The following IFT74 variants were observed in gnomAD, a reference collection of about 807,000 sequenced individuals.
The protein encoded by IFT74 is intraflagellar transport 74, also known as intraflagellar transport protein 74 homolog.
In IFT74, 92 loss-of-function variants were observed where a neutral mutation model predicts 96.7. The ratio of observed to expected loss-of-function variants is 0.95; its 90% CI spans 0.80 to 1.13. IFT74 has a LOEUF of 1.13. Ranked by LOEUF, IFT74 falls within the 50% of genes most tolerant of loss-of-function variation. The pLI is 0.00. For synonymous variants in IFT74, 223 were observed against 213.2 expected (o/e 1.05, Z -0.40); for missense variants, 811 against 698.2 (o/e 1.16, Z -1.82).
intron 2 of IFT74, among the ~76,000 whole-genome samples, chr9:26,969,487 T>C (rs764061793): frequency 5.9e-5 from 9 of 152,108 alleles, no homozygotes; most frequent in Non-Finnish European, 1.2e-4. Context: ...CAGGATATAG[T>C]TGGATTATGT....
intron 4 of IFT74, among the ~76,000 whole-genome samples, chr9:26,983,104 T>G (rs572159226): frequency 1.3e-5 from 2 of 152,326 alleles, no homozygotes; most frequent in East Asian, 1.9e-4. Flanking sequence ...AGCCCTGTTT[T>G]CTTTTATTTC....
At chr9:26,979,849 C>G (rs1446831524) in intron 3 of IFT74, among the ~76,000 whole-genome samples, 1 of 150,744 alleles carries the variant, frequency 6.6e-6, no homozygotes, top group East Asian at 2.0e-4. Context: ...AGTAGCTGGG[C>G]TTACAGGCAC....
intron 10 of IFT74, among the ~76,000 whole-genome samples, chr9:27,015,669 A>C (rs951052043): frequency 4.6e-5 from 7 of 152,096 alleles, no homozygotes; most frequent in Admixed American, 2.0e-4. Flanking sequence ...CTTCCCTTCT[A>C]AGAATTTTAT....
intron 11 of IFT74, among the ~76,000 whole-genome samples, chr9:27,017,491 G>C (rs1829405412): frequency 6.6e-6 from 1 of 152,076 alleles, no homozygotes; most frequent in Non-Finnish European, 1.5e-5. Context: ...CCAAGTGTTG[G>C]GACTATAGGC....
chr9:27,056,337 T>G lies in IFT74; in HGVS notation c.1501T>G (p.Leu501Val), dbSNP rs1820155966. Reference protein sequence around the residue: ...KSSGEEKIKKLHQERMILSTH... With the variant: ...KSSGEEKIKKVHQERMILSTH... ...ACTTCTATTTGGATCTTTCTAGAAA[T>G]TACATCAGGAGAGAATGATATTATC... is the stretch of plus-strand genomic sequence containing the variant. The change falls in exon 18 of 20, where the codon TTA becomes GTA. Residue 501 changes from leucine to valine, a missense_variant. Leu to Val is a conservative substitution (Grantham distance 32, BLOSUM62 1). Coordinates refer to ENST00000380062, the MANE Select transcript of IFT74 (RefSeq NM_025103.4). 8 of 1,560,824 alleles carry G rather than the reference T, an allele frequency of 5.1e-6. No homozygotes were observed. Among genetic ancestry groups the G allele is most frequent in the Non-Finnish European group, 7.0e-6 (8 of 1,148,448 alleles).
intron 6 of IFT74, among the ~76,000 whole-genome samples, chr9:26,986,062 T>C (rs1827619681): frequency 6.6e-6 from 1 of 152,178 alleles, no homozygotes; most frequent in Non-Finnish European, 1.5e-5. Context: ...TTTTTCTAAC[T>C]CTTTAGTTGC....
At chr9:27,009,914 G>A (rs184816334) in intron 9 of IFT74, among the ~76,000 whole-genome samples, 206 of 151,984 alleles carry the variant, frequency 1.4e-3, no homozygotes, top group African/African-American at 4.6e-3. Flanking sequence ...TGATCAAATC[G>A]GGATAATTAG....
Position 27,009,110 on chromosome 9 carries a change from C to G in IFT74, c.678C>G (p.Asn226Lys), listed in dbSNP as rs1220479471. 6.2e-7 allele frequency: 1 copy of G among 1,612,864 alleles called. No individual in the cohort carries two copies. Among genetic ancestry groups the G allele is most frequent in the African/African-American group, 1.3e-5 (1 of 74,886 alleles). The change falls in exon 9 of 20, where the codon AAC (asparagine) becomes AAG (lysine). Residue 226 changes from asparagine (N) to lysine (K), a missense_variant. Transcript: ENST00000380062. ...TTATCAAAAATATGTCTTTTGAAAA[C>G]CAAGTCAAGTACCTAGAGATGAAAA... ...DDIIKNMSFE[N>K]QVKYLEMKTT... is the part of the protein sequence containing the mutation.
upstream of IFT74, among the ~76,000 whole-genome samples, chr9:26,955,381 C>T (rs571556106): frequency 1.5e-4 from 23 of 152,244 alleles, no homozygotes; most frequent in African/African-American, 5.5e-4. Context: ...AGTCCTGCTT[C>T]TGGTTGTCAT....
chr9:27,059,388 G>C (rs542258241), intron 18 of IFT74, among the ~76,000 whole-genome samples: 1 of 152,280 alleles, frequency 6.6e-6, no homozygotes, highest in Non-Finnish European at 1.5e-5. Flanking sequence ...GAGGTTTAAA[G>C]GAGTCAATAA....
chr9:27,028,871 T>C, intron 12 of IFT74, 154 bp from the exon 13 acceptor site: 1 of 594,728 alleles, frequency 1.7e-6, no homozygotes, highest in Non-Finnish European at 2.7e-6. Context: ...GATATCCTAA[T>C]GTCATCGTCA....
intron 12 of IFT74, among the ~76,000 whole-genome samples, chr9:27,028,004 C>A (rs1829948828): frequency 2.0e-5 from 3 of 151,968 alleles, no homozygotes; most frequent in Admixed American, 6.6e-5. Flanking sequence ...GGTAGGAGTC[C>A]CTTAGCTTCT....
chr9:27,032,808 G>A (rs1830184650), intron 13 of IFT74, among the ~76,000 whole-genome samples: 1 of 151,842 alleles, frequency 6.6e-6, no homozygotes, highest in African/African-American at 2.4e-5. Flanking sequence ...AGAGGTTGCA[G>A]TAAGCCAAGA....
intron 12 of IFT74, among the ~76,000 whole-genome samples, chr9:27,025,681 T>G (rs1013282180): frequency 6.6e-6 from 1 of 152,092 alleles, no homozygotes; most frequent in Admixed American, 6.5e-5. Flanking sequence ...ATTGGAGTCC[T>G]ACCTTTAGAC....
intron 1 of IFT74, among the ~76,000 whole-genome samples, chr9:26,959,507 G>A (rs1826262646): frequency 1.3e-5 from 2 of 152,148 alleles, no homozygotes; most frequent in African/African-American, 2.4e-5. Flanking sequence ...GTTTTTGAAG[G>A]TAGGAAAGAA....
At chr9:26,965,585 A>T (rs1826573533) in intron 2 of IFT74, among the ~76,000 whole-genome samples, 1 of 152,234 alleles carries the variant, frequency 6.6e-6, no homozygotes, top group East Asian at 1.9e-4. Context: ...AAAGAATCTG[A>T]CATTTATTGG....
At chr9:26,970,024 G>A (rs981860664) in intron 2 of IFT74, among the ~76,000 whole-genome samples, 1 of 151,064 alleles carries the variant, frequency 6.6e-6, no homozygotes, top group East Asian at 1.9e-4. Context: ...TTTTTTATTT[G>A]TTGTTGTTTT....
At chr9:26,996,368 GA>G in intron 8 of IFT74, 1 of 1,608,270 alleles carries the variant, frequency 6.2e-7, no homozygotes, top group Non-Finnish European at 8.5e-7. Context: ...CTGATGGGCT[GA>G]AAATGAATAT....
intron 3 of IFT74, among the ~76,000 whole-genome samples, chr9:26,979,913 C>T (rs545270081): frequency 6.6e-6 from 1 of 151,772 alleles, no homozygotes; most frequent in Non-Finnish European, 1.5e-5. Context: ...TGGGGTTTCA[C>T]CATATTGGCC....
Sources: gnomAD v4.1 joint callset for allele counts (sites outside exome capture counted in the v4.1 genomes callset) on GRCh38, gnomAD v4.1.1 for gene constraint, MANE v1.5 for transcripts, NCBI Gene and HGNC (gene_info 2026-07-23, HGNC 2026-07-21) for gene names.